TARBP2: variants seen among roughly 807,000 people sequenced by gnomAD.
TARBP2 encodes the protein RISC-loading complex subunit TARBP2.
TARBP2 carries 23 observed loss-of-function variants against 40.4 expected under a neutral mutation model. The observed-to-expected ratio is 0.57, with a 90% CI of 0.41 to 0.81. The LOEUF is 0.81. TARBP2 is among the 30% of genes least tolerant of loss of function. The pLI is 0.00. For missense variants in TARBP2, 358 were observed against 473.7 expected, an observed-to-expected ratio of 0.76 and a Z score of 2.27; for synonymous variants, 183 against 190.5, an observed-to-expected ratio of 0.96 and a Z score of 0.32.
At chr12:53,504,568 T>C in intron 5 of TARBP2, 99 bp downstream of exon 5, 2 of 1,604,156 alleles carry the variant, frequency 1.2e-6, no homozygotes, top group Non-Finnish European at 1.7e-6. Context: ...CGGTTCCTTG[T>C]ACTGAGGCCC....
chr12:53,502,164 T>A lies in TARBP2; in HGVS notation c.203T>A (p.Val68Asp). The A allele has an allele frequency of 6.2e-7, 1 of 1,614,218 alleles. No individual in the cohort carries two copies. Among genetic ancestry groups the A allele is most frequent in the Non-Finnish European group, 8.5e-7 (1 of 1,180,040 alleles). ...HQPNFTFRVT[V>D]GDTSCTGQGP... Reference sequence around the variant, plus strand: ...CCTAATTTCACCTTCCGGGTCACCGTTGGCGACACCAGCTGCACTGGTGAG... The same window carrying A: ...CCTAATTTCACCTTCCGGGTCACCGATGGCGACACCAGCTGCACTGGTGAG... Residue 68 changes from valine to aspartate, a missense_variant, in exon 2 of 9, where the codon GTT becomes GAT. By Grantham distance (152) the Val-to-Asp change is radical. Transcript: ENST00000266987.
At chr12:53,503,594 C>CT (rs1565899361) in intron 3 of TARBP2, 119 bp from the exon 4 acceptor site, 8 of 731,810 alleles carry the variant, frequency 1.1e-5, no homozygotes, top group Non-Finnish European at 1.4e-5. Flanking sequence ...CTCCCTGATT[C>CT]TTTGGCTCAA....
intron 1 of TARBP2, 56 bp from the exon 2 acceptor site, chr12:53,501,959 G>T: frequency 6.2e-7 from 1 of 1,603,730 alleles, no homozygotes; most frequent in South Asian, 1.1e-5. Context: ...GGAAGTGCTT[G>T]GCTAGGTGGG....
rs1338918065 is a variant in TARBP2 at position 53,501,344 on chromosome 12, T to G, written c.-65T>G. 1 of 1,539,988 alleles carries G rather than the reference T, an allele frequency of 6.5e-7. No individual in the cohort carries two copies. Among genetic ancestry groups the G allele is most frequent in the African/African-American group, 1.4e-5 (1 of 72,622 alleles). On this transcript the variant is annotated 5_prime_UTR_variant, in exon 1 of 9. Coordinates refer to ENST00000266987, the MANE Select transcript of TARBP2 (RefSeq NM_134323.2). ...CGGGCTTGGCCCCGGCCCTAGCTCG[T>G]CGGCTGTGTATTGGGGCGCGTGGAG... is the stretch of plus-strand genomic sequence containing the variant.
At chr12:53,501,539 T>C in intron 1 of TARBP2, 78 bp downstream of exon 1, 2 of 1,545,296 alleles carry the variant, frequency 1.3e-6, no homozygotes, top group Non-Finnish European at 1.7e-6. Context: ...GGCCCCAGCA[T>C]GCACCTGGCC....
Position 53,504,673 on chromosome 12 carries a change from A to G in TARBP2, c.496-25A>G, listed in dbSNP as rs773315792. On this transcript the variant is annotated intron_variant, in intron 5 of 8. Coordinates refer to ENST00000266987, the MANE Select transcript of TARBP2 (RefSeq NM_134323.2). Reference sequence around the variant, plus strand: ...GAGAAGCCTTTTTTCACTCAGCCTCATGCACCCTGTGTCTCCCTTCCAAGG... The same window carrying G: ...GAGAAGCCTTTTTTCACTCAGCCTCGTGCACCCTGTGTCTCCCTTCCAAGG... 4.3e-5 allele frequency: 69 copies of G among 1,613,960 alleles called. No individual in the cohort carries two copies. The South Asian group carries it at 7.4e-4, about 17-fold the overall frequency.
At chr12:53,501,957 T>A (rs1943733041) in intron 1 of TARBP2, 58 bp from the exon 2 acceptor site, 1 of 1,601,092 alleles carries the variant, frequency 6.2e-7, no homozygotes, top group Admixed American at 1.7e-5. Context: ...ATGGAAGTGC[T>A]TGGCTAGGTG....
chr12:53,505,337 T>A lies in TARBP2; in HGVS notation c.741+75T>A. On this transcript the variant is annotated intron_variant, in intron 7 of 8. Transcript: ENST00000266987. The surrounding 1 kb of genome is among the most constrained non-coding windows in gnomAD (Gnocchi z 4.5). ...GCAGGGCTCCAGGGACTTGGGTCTGTGACTCAGCAGTGAGCCTCTCTGGGC... is the reference window on the plus strand; with the variant it reads ...GCAGGGCTCCAGGGACTTGGGTCTGAGACTCAGCAGTGAGCCTCTCTGGGC... 3 of 1,520,056 alleles carry A rather than the reference T, an allele frequency of 2.0e-6. No homozygotes were observed. In the Admixed American group the frequency reaches 6.3e-5, roughly 32 times the overall value. 94.2% of individuals were successfully genotyped at this position (1,520,056 alleles called of 1,614,324 possible).
Position 53,504,834 on chromosome 12 carries a change from G to A in TARBP2, c.613+19G>A, listed in dbSNP as rs746117612. 11 of 1,612,676 alleles carry A rather than the reference G, an allele frequency of 6.8e-6. No homozygotes were observed. Among genetic ancestry groups the A allele is most frequent in the South Asian group, 1.1e-5 (1 of 91,056 alleles). ...GAGATTGGTAACTGGGCAAGAAGGGGTTCTCACAACTCCTCTCCCGCAGCA... is the reference window on the plus strand; with the variant it reads ...GAGATTGGTAACTGGGCAAGAAGGGATTCTCACAACTCCTCTCCCGCAGCA... On this transcript the variant is annotated intron_variant, in intron 6 of 8. Transcript: ENST00000266987.
At position 53,504,905 on chromosome 12, in the gene TARBP2, C is replaced by T. The variant is rs936223083; in HGVS notation, c.613+90C>T. On this transcript the variant is annotated intron_variant, in intron 6 of 8. Transcript: ENST00000266987. The stretch of plus-strand genomic sequence containing the variant: ...CAGCTCCTGGCCTCACTCTGCTACA[C>T]CCCCTGCTCTCTTAGCTTCACAGTC... The T allele has an allele frequency of 4.0e-6, 6 of 1,509,140 alleles. No homozygotes were observed. In the African/African-American group the frequency reaches 4.1e-5, roughly 10 times the overall value. The allele number at this position is 1,509,140 out of a possible 1,614,324, so 93.5% of individuals were successfully genotyped here.
chr12:53,505,799 C>G lies in TARBP2; in HGVS notation c.892C>G (p.Leu298Val), dbSNP rs1485049554. Residue 298 changes from leucine to valine, a missense_variant, in exon 8 of 9, where the codon CTC becomes GTC. Leu to Val is a conservative substitution (Grantham distance 32, BLOSUM62 1). This residue lies in a region of TARBP2 where 317 missense variants were observed against 422.9 expected (regional missense o/e 0.75). Coordinates refer to ENST00000266987, the MANE Select transcript of TARBP2 (RefSeq NM_134323.2). This position sits in a 1 kb window ranked among gnomAD's most constrained non-coding sequence, Gnocchi z 4.5. ...GALGPACCRV[L>V]SELSEEQAFH... The stretch of plus-strand genomic sequence containing the variant: ...CCTGGGCCCTGCCTGCTGCCGTGTC[C>G]TCAGTGAGCTCTCTGAGGAGCAGGC... 3 of 1,614,084 alleles carry G rather than the reference C, an allele frequency of 1.9e-6. No homozygotes were observed. The highest frequency in any genetic ancestry group is 2.5e-6 in the Non-Finnish European group (3 of 1,179,994).
At position 53,501,417 on chromosome 12, in the gene TARBP2, A is replaced by C; in HGVS notation, c.9A>C (p.Glu3Asp). ...CGGGGACGGAGGAGGGAATGAGTGA[A>C]GAGGAGCAAGGCTCCGGCACTACCA... is the stretch of plus-strand genomic sequence containing the variant. MSEEEQGSGTTTG... is the reference protein window; with the variant it reads MSDEEQGSGTTTG... Residue 3 changes from glutamate (E) to aspartate (D), a missense_variant, in exon 1 of 9, where the codon GAA becomes GAC. Transcript: ENST00000266987. 6.4e-7 allele frequency: 1 copy of C among 1,566,598 alleles called. No individual in the cohort carries two copies. The highest frequency in any genetic ancestry group is 2.4e-5 in the East Asian group (1 of 42,220).
At chr12:53,501,604 C>G in intron 1 of TARBP2, 143 bp downstream of exon 1, 1 of 1,475,536 alleles carries the variant, frequency 6.8e-7, no homozygotes. Flanking sequence ...CCGGCGTGCA[C>G]CGGGGCAGTG....
chr12:53,503,673 T>C (rs1268155700), intron 3 of TARBP2, 40 bp from the exon 4 acceptor site: 3 of 1,466,800 alleles, frequency 2.0e-6, no homozygotes, highest in Non-Finnish European at 2.9e-6. Flanking sequence ...CTTCCCCCTA[T>C]ACATGGGTGT....
chr12:53,505,681 C>T lies in TARBP2; in HGVS notation c.774C>T (p.Asn258=), dbSNP rs1331675284. The change falls in exon 8 of 9, where the codon AAC becomes AAT. Residue 258 remains asparagine, a synonymous_variant. Coordinates refer to ENST00000266987, the MANE Select transcript of TARBP2 (RefSeq NM_134323.2). This position sits in a 1 kb window ranked among gnomAD's most constrained non-coding sequence, Gnocchi z 4.5. The stretch of plus-strand genomic sequence containing the variant: ...GCTCCCGCCTGGATGGTCTTCGAAA[C>T]CGGGGCCCAGGTTGCACCTGGGATT... The part of the protein sequence containing the change: ...GVGSRLDGLR[N]RGPGCTWDSL... 1 of 1,614,086 alleles carries T rather than the reference C, an allele frequency of 6.2e-7. No homozygotes were observed. Among genetic ancestry groups the T allele is most frequent in the Non-Finnish European group, 8.5e-7 (1 of 1,179,980 alleles).
In TARBP2 at chr12:53,505,246, A is replaced by G. The variant is rs756301639; in HGVS notation, c.725A>G (p.Asp242Gly). The change falls in exon 7 of 9, where the codon GAT (aspartate) becomes GGT (glycine). Residue 242 changes from aspartate (D) to glycine (G), a missense_variant. Around this residue, in one of 3 missense-constraint regions of TARBP2, gnomAD observed 317 missense variants for 422.9 expected, o/e 0.75. Transcript: ENST00000266987. The surrounding 1 kb of genome is among the most constrained non-coding windows in gnomAD (Gnocchi z 4.5). The part of the protein sequence containing the change: ...ARDGNEVEPD[D>G]DHFSIGVGSR... ...GATGGCAATGAGGTGGAGCCTGATGATGACCACTTCTCCATTGTGAGTGGC... is the reference window on the plus strand; with the variant it reads ...GATGGCAATGAGGTGGAGCCTGATGGTGACCACTTCTCCATTGTGAGTGGC... 1.2e-6 allele frequency: 2 copies of G among 1,601,376 alleles called. No homozygotes were observed. The highest frequency in any genetic ancestry group is 3.4e-5 in the Admixed American group (2 of 59,512).
At position 53,505,595 on chromosome 12, in the gene TARBP2, G is replaced by A; in HGVS notation, c.742-54G>A. On this transcript the variant is annotated intron_variant, in intron 7 of 8. Coordinates refer to ENST00000266987, the MANE Select transcript of TARBP2 (RefSeq NM_134323.2). The surrounding 1 kb of genome is among the most constrained non-coding windows in gnomAD (Gnocchi z 4.5). ...CTCCTTTGACGTTGAATGTCTCAAT[G>A]CCTGGGTCCCACAGTCTCTCGCTTC... The A allele has an allele frequency of 1.3e-6, 2 of 1,537,286 alleles. No homozygotes were observed. Among genetic ancestry groups the A allele is most frequent in the Non-Finnish European group, 1.8e-6 (2 of 1,112,314 alleles).
chr12:53,503,336 G>A, intron 3 of TARBP2: 14 of 1,233,478 alleles, frequency 1.1e-5, no homozygotes, highest in Non-Finnish European at 1.5e-5. Context: ...GCCCCATAGA[G>A]GGGTTGTGGC....
rs1207640325 is a variant in TARBP2, at chr12:53,505,591, C to G, written c.742-58C>G. On this transcript the variant is annotated intron_variant, in intron 7 of 8. Coordinates refer to ENST00000266987, the MANE Select transcript of TARBP2 (RefSeq NM_134323.2). The surrounding 1 kb of genome is among the most constrained non-coding windows in gnomAD (Gnocchi z 4.5). ...TGTTCTCCTTTGACGTTGAATGTCT[C>G]AATGCCTGGGTCCCACAGTCTCTCG... is the stretch of plus-strand genomic sequence containing the variant. 4.6e-6 allele frequency: 7 copies of G among 1,521,958 alleles called. No individual in the cohort carries two copies. The Admixed American group carries it at 1.2e-4, about 26-fold the overall frequency. The allele number at this position is 1,521,958 out of a possible 1,614,324, so 94.3% of individuals were successfully genotyped here.
Sources: allele counts gnomAD v4.1 joint callset, GRCh38; gene constraint gnomAD v4.1.1; regional missense constraint gnomAD v4.1.1; non-coding constraint Gnocchi (gnomAD v3.1); transcripts MANE v1.5; gene names NCBI Gene and HGNC (gene_info 2026-07-23, HGNC 2026-07-21).